Variants in NAV3 observed in about 807,000 individuals in gnomAD.
The protein encoded by NAV3 is pore membrane and/or filament interacting like protein 1.
NAV3 carries 87 observed loss-of-function variants against 244.7 expected under a neutral mutation model. The ratio of observed to expected loss-of-function variants is 0.36; its 90% confidence interval spans 0.30 to 0.42. The LOEUF is 0.42. NAV3 is among the 20% of genes least tolerant of loss of function. NAV3 has a pLI of 1.00. For synonymous variants in NAV3, 1,126 were observed against 1,042.2 expected, an observed-to-expected ratio of 1.08 and a Z score of -1.55; for missense variants, 2,663 against 2,893.3, an observed-to-expected ratio of 0.92 and a Z score of 1.83.
intron 2 of NAV3, among the ~76,000 whole-genome samples, chr12:77,626,978 A>G (rs1191797780): frequency 1.3e-5 from 2 of 152,190 alleles, no homozygotes; most frequent in African/African-American, 4.8e-5. Flanking sequence ...AGAAAAAGGG[A>G]CAAAGGATAT....
At chr12:78,119,166 A>G in intron 14 of NAV3, 71 bp from the exon 15 acceptor site, 1 of 1,324,844 alleles carries the variant, frequency 7.5e-7, no homozygotes, top group South Asian at 1.4e-5. Flanking sequence ...CACATTTTAC[A>G]CATTGTTTCA....
At chr12:78,164,372 A>AT (rs1382444091) in intron 23 of NAV3, among the ~76,000 whole-genome samples, 18 of 151,970 alleles carry the variant, frequency 1.2e-4, no homozygotes, top group Non-Finnish European at 1.6e-4. Context: ...TCTCTGAAAC[A>AT]TTTTTTTGGG....
intron 2 of NAV3, among the ~76,000 whole-genome samples, chr12:77,670,786 C>G (rs747557402): frequency 3.3e-5 from 5 of 152,050 alleles, no homozygotes; most frequent in Non-Finnish European, 5.9e-5. Context: ...AGGGGCAAAC[C>G]TTAGGGTAAT....
At chr12:77,749,303 G>T (rs141334278) in intron 2 of NAV3, among the ~76,000 whole-genome samples, 9 of 152,208 alleles carry the variant, frequency 5.9e-5, no homozygotes, top group Non-Finnish European at 1.5e-5. Context: ...ATTCTGTTAC[G>T]TTGAGATATT....
At chr12:77,914,687 TGTCTA>T (rs922746225) in intron 1 of NAV3, among the ~76,000 whole-genome samples, 3 of 152,030 alleles carry the variant, frequency 2.0e-5, no homozygotes, top group Non-Finnish European at 2.9e-5. Context: ...CTATTGGTTT[TGTCTA>T]GTCTATTGTG....
chr12:77,785,870 C>T (rs533928405), intron 2 of NAV3, among the ~76,000 whole-genome samples: 12 of 152,282 alleles, frequency 7.9e-5, no homozygotes, highest in Non-Finnish European at 1.6e-4. Flanking sequence ...GTGGTCATCC[C>T]TCCTTCAATT....
chr12:77,575,427 A>T (rs1869034384), intron 2 of NAV3, among the ~76,000 whole-genome samples: 1 of 152,084 alleles, frequency 6.6e-6, no homozygotes, highest in Admixed American at 6.6e-5. Flanking sequence ...GTATTGGGCC[A>T]TAACCCAGCT....
chr12:77,613,873 G>A (rs1161454382), intron 2 of NAV3, among the ~76,000 whole-genome samples: 2 of 151,962 alleles, frequency 1.3e-5, no homozygotes, highest in Admixed American at 6.6e-5. Context: ...CTACCTGACG[G>A]CCCTTGTTTG....
intron 38 of NAV3, among the ~76,000 whole-genome samples, chr12:78,203,270 A>G (rs1959923386): frequency 6.6e-6 from 1 of 152,098 alleles, no homozygotes. Context: ...GGTTCTTTAA[A>G]AACCTAGAAT....
intron 12 of NAV3, among the ~76,000 whole-genome samples, chr12:78,076,203 A>G (rs909632462): frequency 1.3e-5 from 2 of 152,142 alleles, no homozygotes; most frequent in Non-Finnish European, 2.9e-5. Context: ...CCATCCTAAA[A>G]CCAGCTATTC....
At chr12:78,115,798 A>G (rs1402209239) in intron 12 of NAV3, among the ~76,000 whole-genome samples, 1 of 152,228 alleles carries the variant, frequency 6.6e-6, no homozygotes, top group African/African-American at 2.4e-5. Flanking sequence ...GCTATACCAC[A>G]TACCTTAGGT....
intron 2 of NAV3, among the ~76,000 whole-genome samples, chr12:77,653,796 A>G (rs1490035295): frequency 1.3e-5 from 2 of 152,176 alleles, no homozygotes; most frequent in African/African-American, 2.4e-5. Flanking sequence ...ATAAACACAT[A>G]TAATATACAC....
chr12:77,988,895 C>G (rs953196773), intron 5 of NAV3, among the ~76,000 whole-genome samples: 10 of 152,026 alleles, frequency 6.6e-5, no homozygotes, highest in African/African-American at 2.4e-4. Context: ...GTATTACAAG[C>G]ACTGTGGAGG....
At chr12:78,029,979 A>G (rs1282413173) in intron 9 of NAV3, among the ~76,000 whole-genome samples, 2 of 152,188 alleles carry the variant, frequency 1.3e-5, no homozygotes, top group Non-Finnish European at 2.9e-5. Flanking sequence ...TTCAATGCAC[A>G]TAAACTTTGT....
chr12:77,628,841 T>C (rs1457461270), intron 2 of NAV3, among the ~76,000 whole-genome samples: 8 of 148,562 alleles, frequency 5.4e-5, no homozygotes, highest in Admixed American at 5.3e-4. Context: ...CAGTGAGCCA[T>C]GATCTCATCA....
At position 77,684,149 on chromosome 12, in the gene NAV3, A is replaced by G. The variant is rs144405100; in HGVS notation, c.72+111883A>G. ...CCATTCTAATGAGTGTGAAGTGATAATCTTATTGTGGATTTAATCTGCATT... is the reference window on the plus strand; with the variant it reads ...CCATTCTAATGAGTGTGAAGTGATAGTCTTATTGTGGATTTAATCTGCATT... On this transcript the variant is annotated intron_variant, in intron 2 of 8. Coordinates refer to the NAV3 transcript ENST00000550042. Among the ~76,000 whole-genome samples, 292 of 152,186 alleles carry G rather than the reference A, an allele frequency of 1.9e-3. 2 individuals are homozygous for G. Among genetic ancestry groups the G allele is most frequent in the African/African-American group, 6.8e-3 (282 of 41,480 alleles).
Position 78,197,250 on chromosome 12 carries a change from T to A in NAV3, c.6295T>A (p.Leu2099Met). ...TGTTTTCTTCATTTTTTAAAAGGAATTGCAACAATATCTAGCTAACCTGGC... is the reference window on the plus strand; with the variant it reads ...TGTTTTCTTCATTTTTTAAAAGGAAATGCAACAATATCTAGCTAACCTGGC... ...FNVDHKSSKE[L>M]QQYLANLAEQ... The change falls in exon 35 of 40, where the codon TTG becomes ATG. Residue 2099 changes from leucine (L) to methionine (M), a missense_variant. Leu to Met is a conservative substitution (Grantham distance 15, BLOSUM62 2). This residue lies in a region of NAV3 where 543 missense variants were observed against 672.4 expected (regional missense o/e 0.81). Coordinates refer to ENST00000397909, the MANE Select transcript of NAV3 (RefSeq NM_001024383.2). 1 of 1,532,962 alleles carries A rather than the reference T, an allele frequency of 6.5e-7. No individual in the cohort carries two copies. The highest frequency in any genetic ancestry group is 8.8e-7 in the Non-Finnish European group (1 of 1,138,646). The allele number at this position is 1,532,962 out of a possible 1,614,324, so 95.0% of individuals were successfully genotyped here.
intron 2 of NAV3, among the ~76,000 whole-genome samples, chr12:77,808,803 C>A (rs1158005481): frequency 6.6e-6 from 1 of 152,180 alleles, no homozygotes; most frequent in Non-Finnish European, 1.5e-5. Context: ...GTGCTCTTTC[C>A]CAGGGAGATG....
At chr12:77,765,644 C>T (rs1294775622) in intron 2 of NAV3, among the ~76,000 whole-genome samples, 1 of 152,096 alleles carries the variant, frequency 6.6e-6, no homozygotes, top group Admixed American at 6.6e-5. Context: ...TAGAGAACAA[C>T]TATGACTAGA....
Sources: gnomAD v4.1 joint callset for allele counts (sites outside exome capture counted in the v4.1 genomes callset) on GRCh38, gnomAD v4.1.1 for gene constraint, gnomAD v4.1.1 regional missense constraint, MANE v1.5 for transcripts, NCBI Gene and HGNC (gene_info 2026-07-23, HGNC 2026-07-21) for gene names.